GDAP1L1: variants seen among roughly 807,000 people sequenced by gnomAD.
The protein encoded by GDAP1L1 is ganglioside induced differentiation associated protein 1 like 1.
Under a neutral mutation model 37.1 loss-of-function variants are expected in GDAP1L1, and 21 were observed. The ratio of observed to expected loss-of-function variants is 0.57; its 90% CI spans 0.40 to 0.81. GDAP1L1 has a LOEUF of 0.81. Ranked by LOEUF, GDAP1L1 falls within the 40% of genes least tolerant of loss-of-function variation. The pLI, the probability that GDAP1L1 is intolerant of heterozygous loss-of-function variation, is 0.00. For synonymous variants in GDAP1L1, 193 were observed against 209.1 expected (o/e 0.92, Z 0.67); for missense variants, 362 against 491.6 (o/e 0.74, Z 2.49).
At chr20:44,260,629 C>G (rs56853595) in intron 3 of GDAP1L1, among the ~76,000 whole-genome samples, 2,130 of 152,234 alleles carry the variant, frequency 0.014, 48 homozygotes, top group African/African-American at 0.049. Flanking sequence ...CCTCCGGGGC[C>G]ACAGAAGCCT....
At chr20:44,269,299 A>G (rs1183061971) in intron 5 of GDAP1L1, among the ~76,000 whole-genome samples, 3 of 152,096 alleles carry the variant, frequency 2.0e-5, no homozygotes, top group African/African-American at 4.8e-5. Flanking sequence ...AAAAAAAACT[A>G]TGAGTCTTAG....
chr20:44,259,247 G>A (rs1389966940), intron 3 of GDAP1L1, among the ~76,000 whole-genome samples: 1 of 152,168 alleles, frequency 6.6e-6, no homozygotes, highest in Non-Finnish European at 1.5e-5. Context: ...ATGGGTGTTG[G>A]ATTAAATCAG....
At chr20:44,248,145 C>T (rs1836441476) in intron 1 of GDAP1L1, among the ~76,000 whole-genome samples, 1 of 152,222 alleles carries the variant, frequency 6.6e-6, no homozygotes. Context: ...GTCTGTTTTG[C>T]TCTTAAAGGC....
At chr20:44,264,613 C>T in intron 5 of GDAP1L1, 54 bp downstream of exon 5, 3 of 1,584,888 alleles carry the variant, frequency 1.9e-6, no homozygotes, top group Non-Finnish European at 2.6e-6. Flanking sequence ...GCCTACTCTT[C>T]CCCTGCCCAG....
At chr20:44,257,507 G>A (rs2073581472) in intron 2 of GDAP1L1, among the ~76,000 whole-genome samples, 162 bp downstream of exon 2, 1 of 152,096 alleles carries the variant, frequency 6.6e-6, no homozygotes, top group African/African-American at 2.4e-5. Context: ...GCCACAGGCA[G>A]GGTTCAGATG....
At chr20:44,266,722 C>T (rs968611236) in intron 5 of GDAP1L1, among the ~76,000 whole-genome samples, 1 of 152,168 alleles carries the variant, frequency 6.6e-6, no homozygotes, top group South Asian at 2.1e-4. Context: ...TGCCTGGTGT[C>T]TTTGAGTCCA....
At position 44,251,102 on chromosome 20, in the gene GDAP1L1, C is replaced by A. The variant is rs1276596673; in HGVS notation, c.180+3588C>A. ...GCTGTGTGACTGGGCAAGTTACTTA[C>A]AATCTCTGTGCCTGCTTCCTTTTCT... On this transcript the variant is annotated intron_variant, in intron 1 of 5. Coordinates refer to ENST00000342560, the MANE Select transcript of GDAP1L1 (RefSeq NM_024034.6). 3.9e-5 allele frequency among the ~76,000 whole-genome samples: 6 copies of A among 152,320 alleles called. No individual in the cohort carries two copies. The East Asian group carries it at 1.2e-3, about 29-fold the overall frequency.
At chr20:44,257,923 C>T (rs1356736778) in intron 2 of GDAP1L1, among the ~76,000 whole-genome samples, 1 of 152,088 alleles carries the variant, frequency 6.6e-6, no homozygotes, top group Non-Finnish European at 1.5e-5. Flanking sequence ...AGAGCCCAGA[C>T]ACCCCAAAAC....
At chr20:44,270,574 G>A (rs2903675) in intron 5 of GDAP1L1, among the ~76,000 whole-genome samples, 43,157 of 152,044 alleles carry the variant, frequency 0.28, 6,753 homozygotes, top group East Asian at 0.45. Context: ...CTTGATGCAG[G>A]TTGCCTTCAA....
chr20:44,260,969 A>G (rs1381028113), intron 3 of GDAP1L1, among the ~76,000 whole-genome samples: 1 of 152,228 alleles, frequency 6.6e-6, no homozygotes, highest in East Asian at 1.9e-4. Context: ...GGTCCTGGCC[A>G]AGGGCTGGAG....
rs973507386 is a variant in GDAP1L1, at chr20:44,279,751, A to T, written c.*451A>T. On this transcript the variant is annotated 3_prime_UTR_variant, in exon 6 of 6. Coordinates refer to ENST00000342560, the MANE Select transcript of GDAP1L1 (RefSeq NM_024034.6). ...CTTCCACAGGACAAAGCCGACATCA[A>T]GACTCAACTCCTCTAACCGGTACCT... 4.2e-6 allele frequency: 2 copies of T among 472,292 alleles called. No homozygotes were observed. Among genetic ancestry groups the T allele is most frequent in the African/African-American group, 4.0e-5 (2 of 50,114 alleles). 29.3% of individuals were successfully genotyped at this position (472,292 alleles called of 1,614,324 possible). A position where few individuals can be genotyped will look rare whatever the true frequency, so the allele number is the denominator to read the frequency against.
At chr20:44,250,321 A>C (rs568748847) in intron 1 of GDAP1L1, among the ~76,000 whole-genome samples, 9 of 152,250 alleles carry the variant, frequency 5.9e-5, no homozygotes, top group African/African-American at 2.2e-4. Flanking sequence ...TTAACCTCTC[A>C]TGCCCCAGTT....
intron 5 of GDAP1L1, among the ~76,000 whole-genome samples, chr20:44,266,926 T>G (rs1322008199): frequency 6.6e-6 from 1 of 152,226 alleles, no homozygotes; most frequent in African/African-American, 2.4e-5. Context: ...ACATAAAATA[T>G]GCTAACACTG....
chr20:44,258,715 C>A, intron 3 of GDAP1L1, 108 bp downstream of exon 3: 1 of 756,698 alleles, frequency 1.3e-6, no homozygotes. Flanking sequence ...CCTCCCCTTC[C>A]TCCTCCTTCT....
At position 44,258,593 on chromosome 20, in the gene GDAP1L1, C is replaced by T. The variant is rs779098946; in HGVS notation, c.533C>T (p.Thr178Met). 90 of 1,600,670 alleles carry T rather than the reference C, an allele frequency of 5.6e-5. No individual in the cohort carries two copies. The highest frequency in any genetic ancestry group is 2.7e-4 in the East Asian group (12 of 44,240). Residue 178 changes from threonine (T) to methionine (M), a missense_variant, in exon 3 of 6, where the codon ACG becomes ATG. Transcript: ENST00000342560. ...TTDSMIPKYA[T>M]AEIRRHLANA... ...GACTCCATGATCCCCAAGTACGCCA[C>T]GGCCGAGATCCGCAGTGAGTGCCAG... is the stretch of plus-strand genomic sequence containing the variant.
rs1181000617 is a variant in GDAP1L1 at position 44,264,633 on chromosome 20, C to CT, written c.760+80dup. 5.8e-6 allele frequency: 9 copies of CT among 1,550,000 alleles called. 1 individual carries two copies. In the Admixed American group the frequency reaches 1.2e-4, roughly 20 times the overall value. On this transcript the variant is annotated intron_variant, in intron 5 of 5. Transcript: ENST00000342560. ...CTCTTCCCCTGCCCAGTCTCAGCCT[C>CT]TTTTTTCCGCAAAAGTCTCAGAGGA...
In GDAP1L1 at chr20:44,252,543, G is replaced by A. The variant is rs184306303; in HGVS notation, c.181-4610G>A. On this transcript the variant is annotated intron_variant, in intron 1 of 5. Coordinates refer to ENST00000342560, the MANE Select transcript of GDAP1L1 (RefSeq NM_024034.6). ...TGATCCCAGCTACTCGGGAGGCTGA[G>A]ACAAGAGAATCGCTTGAACCTGGGA... 2.2e-4 allele frequency among the ~76,000 whole-genome samples: 34 copies of A among 152,344 alleles called. 1 individual carries two copies. Among genetic ancestry groups the A allele is most frequent in the African/African-American group, 7.0e-4 (29 of 41,576 alleles).
chr20:44,274,335 C>T (rs971390967), intron 5 of GDAP1L1, among the ~76,000 whole-genome samples: 6 of 152,216 alleles, frequency 3.9e-5, no homozygotes, highest in Non-Finnish European at 7.3e-5. Context: ...TGAAAATGCT[C>T]TTGACTTGTC....
chr20:44,279,825 C>G lies in GDAP1L1; in HGVS notation c.*525C>G, dbSNP rs2062623547. On this transcript the variant is annotated 3_prime_UTR_variant, in exon 6 of 6. Transcript: ENST00000342560. ...GACCCCATGGGAGGTCCCTGAAGAT[C>G]AGAAGGGGCTTCACGCTTCTCCTGG... The G allele has an allele frequency of 2.1e-6, 1 of 470,292 alleles. No individual in the cohort carries two copies. The highest frequency in any genetic ancestry group is 2.0e-5 in the African/African-American group (1 of 50,048). The allele number at this position is 470,292 out of a possible 1,614,324, so 29.1% of individuals were successfully genotyped here. A position where few individuals can be genotyped will look rare whatever the true frequency, so the allele number is the denominator to read the frequency against.
Sources: gnomAD v4.1 joint callset for allele counts (sites outside exome capture counted in the v4.1 genomes callset) on GRCh38, gnomAD v4.1.1 for gene constraint, MANE v1.5 for transcripts, NCBI Gene and HGNC (gene_info 2026-07-23, HGNC 2026-07-21) for gene names.